Variants in RGMB observed in about 807,000 individuals in gnomAD.
The protein encoded by RGMB is repulsive guidance molecule BMP co-receptor b, also known as repulsive guidance molecule B.
A neutral mutation model predicts 26.9 loss-of-function variants in RGMB; 16 were observed. That is an observed-to-expected ratio of 0.60 (90% CI 0.40 to 0.90). The LOEUF (loss-of-function observed/expected upper bound fraction) is 0.90. RGMB is among the 40% of genes least tolerant of loss of function. The pLI, the probability that RGMB is intolerant of heterozygous loss-of-function variation, is 0.00. For synonymous variants in RGMB, 225 were observed against 229.3 expected (o/e 0.98, Z 0.17); for missense variants, 512 against 573.3 (o/e 0.89, Z 1.09).
At chr5:98,774,474 C>T (rs1331853744) in intron 1 of RGMB, among the ~76,000 whole-genome samples, 2 of 152,178 alleles carry the variant, frequency 1.3e-5, no homozygotes, top group Non-Finnish European at 2.9e-5. Context: ...CTCCGACAGC[C>T]GCTTATCAAA....
At chr5:98,783,607 A>G (rs1324236962) in intron 2 of RGMB, among the ~76,000 whole-genome samples, 2 of 152,178 alleles carry the variant, frequency 1.3e-5, no homozygotes, top group Non-Finnish European at 2.9e-5. Context: ...ACTCTTGTTC[A>G]TTCATTCTGT....
At position 98,796,367 on chromosome 5, in the gene RGMB, G is replaced by T. The variant is rs1309111886; in HGVS notation, c.*2614G>T. 2 of 137,506 alleles carry T rather than the reference G, an allele frequency of 1.5e-5. No homozygotes were observed. The highest frequency in any genetic ancestry group is 2.8e-5 in the African/African-American group (1 of 35,552). The allele number at this position is 137,506 out of a possible 1,614,324, so 8.5% of individuals were successfully genotyped here. ...CCCCCCAACAGTGTGTCGAGTCTTT[G>T]CAAAGAAACCTTTAGATGTGGTTCA... is the stretch of plus-strand genomic sequence containing the variant. On this transcript the variant is annotated 3_prime_UTR_variant, in exon 3 of 3. Coordinates refer to ENST00000513185, the MANE Select transcript of RGMB (RefSeq NM_001366508.1).
chr5:98,778,730 T>C (rs1423012016), intron 1 of RGMB, among the ~76,000 whole-genome samples: 1 of 152,180 alleles, frequency 6.6e-6, no homozygotes, highest in Non-Finnish European at 1.5e-5. Flanking sequence ...AAGCATCATT[T>C]GGAAATTGAT....
At position 98,779,210 on chromosome 5, in the gene RGMB, CATGTTTTT is replaced by C. The variant is rs145178720; in HGVS notation, c.137-369_137-362del. On this transcript the variant is annotated intron_variant, in intron 1 of 2. Coordinates refer to ENST00000513185, the MANE Select transcript of RGMB (RefSeq NM_001366508.1). ...AATTTTGGAAAATCAAAACAATGTTCATGTTTTTGGCGTAACCTTAGAGTAATCTTTTT... is the reference window on the plus strand; with the variant it reads ...AATTTTGGAAAATCAAAACAATGTTCGGCGTAACCTTAGAGTAATCTTTTT... Among the ~76,000 whole-genome samples, 1,063 of 152,246 alleles carry C rather than the reference CATGTTTTT, an allele frequency of 7.0e-3. 4 individuals are homozygous for C. The highest frequency in any genetic ancestry group is 0.016 in the South Asian group (78 of 4,830).
chr5:98,774,328 C>G, intron 1 of RGMB, 122 bp downstream of exon 1: 1 of 1,031,734 alleles, frequency 9.7e-7, no homozygotes, highest in South Asian at 2.2e-5. Context: ...GGAAAGGCCT[C>G]CCGAGCCCCT....
intron 2 of RGMB, among the ~76,000 whole-genome samples, chr5:98,787,879 T>G (rs1746811753): frequency 6.6e-6 from 1 of 152,228 alleles, no homozygotes; most frequent in Admixed American, 6.5e-5. Flanking sequence ...CATTCTCGTT[T>G]TAGCCACTGA....
rs1325841834 is a variant in RGMB at position 98,779,752 on chromosome 5, G to A, written c.309G>A (p.Leu103=). 6.2e-7 allele frequency: 1 copy of A among 1,614,048 alleles called. No homozygotes were observed. Among genetic ancestry groups the A allele is most frequent in the South Asian group, 1.1e-5 (1 of 91,080 alleles). The change falls in exon 2 of 3, where the codon CTG becomes CTA. Residue 103 remains leucine (L), a synonymous_variant. Transcript: ENST00000513185. ...CTTCAAAAGCCTGCCGTGGCAACCT[G>A]GTATACCATTCTGCCGTGTTGGGTA... ...QRTSKACRGN[L]VYHSAVLGIS...
At chr5:98,782,915 G>A (rs1746653015) in intron 2 of RGMB, among the ~76,000 whole-genome samples, 4 of 152,108 alleles carry the variant, frequency 2.6e-5, no homozygotes, top group African/African-American at 9.7e-5. Flanking sequence ...ATGAAATGAA[G>A]TCACCCGGGG....
chr5:98,780,732 T>C (rs531912896), intron 2 of RGMB: 3 of 152,376 alleles, frequency 2.0e-5, no homozygotes, highest in Non-Finnish European at 2.9e-5. Flanking sequence ...ACTGACAAAA[T>C]TTAGCTTACC....
chr5:98,783,541 C>G (rs758772250), intron 2 of RGMB, among the ~76,000 whole-genome samples: 21 of 152,214 alleles, frequency 1.4e-4, no homozygotes, highest in Non-Finnish European at 2.5e-4. Flanking sequence ...ACCAGATGAT[C>G]TGTTTTGAGG....
intron 2 of RGMB, among the ~76,000 whole-genome samples, chr5:98,791,489 G>T (rs1362012616): frequency 1.3e-5 from 2 of 152,104 alleles, no homozygotes; most frequent in African/African-American, 4.8e-5. Flanking sequence ...GGGTGGGCAG[G>T]CGGGGGGAGG....
At chr5:98,786,395 G>A (rs1259511022) in intron 2 of RGMB, among the ~76,000 whole-genome samples, 1 of 152,214 alleles carries the variant, frequency 6.6e-6, no homozygotes, top group African/African-American at 2.4e-5. Context: ...CTGATACACA[G>A]CTGAGAGTTA....
At chr5:98,782,452 CCAT>C (rs1474456331) in intron 2 of RGMB, among the ~76,000 whole-genome samples, 1 of 152,194 alleles carries the variant, frequency 6.6e-6, no homozygotes, top group Non-Finnish European at 1.5e-5. Context: ...ATGTCTACCA[CCAT>C]ACTTTCTTTA....
chr5:98,776,519 A>G (rs1432453214), intron 1 of RGMB, among the ~76,000 whole-genome samples: 1 of 152,216 alleles, frequency 6.6e-6, no homozygotes, highest in Non-Finnish European at 1.5e-5. Flanking sequence ...CAGGAGGCTT[A>G]CTTTACCGCC....
chr5:98,793,259 C>T lies in RGMB; in HGVS notation c.820C>T (p.Arg274Cys), dbSNP rs201018609. The change falls in exon 3 of 3, where the codon CGC becomes TGC. Residue 274 changes from arginine to cysteine, a missense_variant. Physicochemically the swap from Arg to Cys is radical, Grantham distance 180. Coordinates refer to ENST00000513185, the MANE Select transcript of RGMB (RefSeq NM_001366508.1). ...TGGCCACTATGTGGAGATGCACGCC[C>T]GCTATATAGGGACCACAGTGTTTGT... ...ESGHYVEMHA[R>C]YIGTTVFVRQ... 8 of 1,613,940 alleles carry T rather than the reference C, an allele frequency of 5.0e-6. No individual in the cohort carries two copies. Among genetic ancestry groups the T allele is most frequent in the Non-Finnish European group, 4.2e-6 (5 of 1,179,868 alleles).
At chr5:98,774,502 C>G (rs1746324272) in intron 1 of RGMB, among the ~76,000 whole-genome samples, 1 of 152,234 alleles carries the variant, frequency 6.6e-6, no homozygotes, top group South Asian at 2.1e-4. Context: ...CGGGCGGGGG[C>G]CGCGCGCCCG....
At chr5:98,783,587 C>T (rs1338071953) in intron 2 of RGMB, among the ~76,000 whole-genome samples, 1 of 152,190 alleles carries the variant, frequency 6.6e-6, no homozygotes, top group African/African-American at 2.4e-5. Context: ...TTGCCAACCT[C>T]TCAGTCTCAA....
intron 2 of RGMB, chr5:98,780,921 C>T (rs1296568797): frequency 6.6e-6 from 1 of 152,206 alleles, no homozygotes; most frequent in African/African-American, 2.4e-5. Context: ...TAAGTAAAGT[C>T]ACTTTTCCAC....
rs773319654 is a variant in RGMB at position 98,780,098 on chromosome 5, C to T, written c.645+10C>T. Reference sequence around the variant, plus strand: ...TACTGCTACAAATAAGGCAAGTATACCTTCTTTTTTCCCTCTCCCTACTCA... The same window carrying T: ...TACTGCTACAAATAAGGCAAGTATATCTTCTTTTTTCCCTCTCCCTACTCA... On this transcript the variant is annotated intron_variant, in intron 2 of 2. Coordinates refer to ENST00000513185, the MANE Select transcript of RGMB (RefSeq NM_001366508.1). 13 of 1,597,118 alleles carry T rather than the reference C, an allele frequency of 8.1e-6. No homozygotes were observed. The highest frequency in any genetic ancestry group is 3.3e-5 in the South Asian group (3 of 89,572).
Sources: allele counts gnomAD v4.1 joint callset (sites outside exome capture counted in the v4.1 genomes callset), GRCh38; gene constraint gnomAD v4.1.1; transcripts MANE v1.5; gene names NCBI Gene and HGNC (gene_info 2026-07-23, HGNC 2026-07-21).